Variants in GAREM1 observed in about 807,000 individuals in gnomAD.
GAREM1 encodes GRB2 associated regulator of MAPK1 subtype 1, also known as GRB2-associated and regulator of MAPK protein 1.
In GAREM1, 26 loss-of-function variants were observed where a neutral mutation model predicts 71.3. The observed-to-expected ratio is 0.36, with a 90% CI of 0.27 to 0.51. The LOEUF (loss-of-function observed/expected upper bound fraction) is 0.51, where lower values mean the gene tolerates loss of function less well. Among genes scored for constraint, GAREM1 ranks in the 20% least tolerant of loss-of-function variants. The probability of loss-of-function intolerance (pLI) is 0.95; values close to 1 mark genes in which losing one functional copy is unlikely to be tolerated. For missense variants in GAREM1, 1,026 were observed against 1,103.1 expected (o/e 0.93, Z 0.99); for synonymous variants, 440 against 433.2 (o/e 1.02, Z -0.20).
At chr18:32,394,628 T>G (rs768172127) in intron 1 of GAREM1, among the ~76,000 whole-genome samples, 4 of 152,120 alleles carry the variant, frequency 2.6e-5, no homozygotes, top group Admixed American at 6.5e-5. Context: ...GTGGCCTGGC[T>G]TTTTCAGAAA....
chr18:32,346,606 A>G (rs1201733961), intron 2 of GAREM1, among the ~76,000 whole-genome samples: 1 of 152,208 alleles, frequency 6.6e-6, no homozygotes, highest in African/African-American at 2.4e-5. Flanking sequence ...TCAGGGTAGG[A>G]GAACAAATGG....
At chr18:32,415,906 C>G (rs531736762) in intron 1 of GAREM1, among the ~76,000 whole-genome samples, 1 of 152,028 alleles carries the variant, frequency 6.6e-6, no homozygotes, top group African/African-American at 2.4e-5. Flanking sequence ...TAAAGAGCAT[C>G]CAAATTGGAA....
intron 2 of GAREM1, among the ~76,000 whole-genome samples, chr18:32,335,313 G>T (rs1403946612): frequency 6.6e-6 from 1 of 152,174 alleles, no homozygotes; most frequent in Non-Finnish European, 1.5e-5. Flanking sequence ...CTCTTTTCTT[G>T]CAGTTCAAAC....
At chr18:32,280,564 A>T (rs1276014759) in intron 4 of GAREM1, among the ~76,000 whole-genome samples, 1 of 152,220 alleles carries the variant, frequency 6.6e-6, no homozygotes, top group Non-Finnish European at 1.5e-5. Flanking sequence ...CCACTAAAAG[A>T]TTATGCTATT....
At chr18:32,271,806 T>A (rs985853525) in intron 4 of GAREM1, among the ~76,000 whole-genome samples, 3 of 152,146 alleles carry the variant, frequency 2.0e-5, no homozygotes, top group African/African-American at 7.2e-5. Flanking sequence ...TTCCCCTAAT[T>A]TGCCTTCCAT....
chr18:32,278,742 C>T (rs994631871), intron 4 of GAREM1, among the ~76,000 whole-genome samples: 2 of 142,382 alleles, frequency 1.4e-5, no homozygotes, highest in African/African-American at 5.6e-5. Flanking sequence ...TAACCATCAG[C>T]GGATATTTTC....
intron 3 of GAREM1, among the ~76,000 whole-genome samples, chr18:32,304,692 T>C (rs2047234465): frequency 6.6e-6 from 1 of 152,114 alleles, no homozygotes; most frequent in Admixed American, 6.5e-5. Context: ...ATCTATGAGG[T>C]GGGTAGTATC....
chr18:32,359,236 G>A (rs572864576), intron 2 of GAREM1, among the ~76,000 whole-genome samples: 29 of 152,246 alleles, frequency 1.9e-4, no homozygotes, highest in African/African-American at 7.0e-4. Flanking sequence ...CCTCCCACCT[G>A]ATTCCTTCTC....
At chr18:32,458,027 G>A (rs2048913642) in intron 1 of GAREM1, among the ~76,000 whole-genome samples, 3 of 152,148 alleles carry the variant, frequency 2.0e-5, no homozygotes, top group African/African-American at 7.2e-5. Context: ...AGTGATCTGT[G>A]AATTTCTATT....
chr18:32,399,922 A>G (rs1441716630), intron 1 of GAREM1, among the ~76,000 whole-genome samples: 1 of 152,224 alleles, frequency 6.6e-6, no homozygotes, highest in Non-Finnish European at 1.5e-5. Flanking sequence ...ACTTCAAACT[A>G]TACTACAAGG....
chr18:32,270,161 C>T (rs1268527876), intron 5 of GAREM1, 56 bp downstream of exon 5: 1 of 1,571,514 alleles, frequency 6.4e-7, no homozygotes, highest in Non-Finnish European at 8.7e-7. Context: ...TTCAAGAACC[C>T]ATGAACTGGT....
At chr18:32,292,768 T>A (rs933177686) in intron 3 of GAREM1, among the ~76,000 whole-genome samples, 1 of 152,218 alleles carries the variant, frequency 6.6e-6, no homozygotes, top group Admixed American at 6.5e-5. Context: ...TCTGTTTGCT[T>A]TATAAATTAC....
chr18:32,390,940 C>T (rs2048189800), intron 2 of GAREM1, among the ~76,000 whole-genome samples: 1 of 152,150 alleles, frequency 6.6e-6, no homozygotes, highest in African/African-American at 2.4e-5. Context: ...AGTTTGAGAT[C>T]CCTAAGTCAA....
At chr18:32,344,863 C>T (rs940687787) in intron 2 of GAREM1, among the ~76,000 whole-genome samples, 2 of 152,116 alleles carry the variant, frequency 1.3e-5, no homozygotes, top group African/African-American at 4.8e-5. Context: ...AGTTTGAGAC[C>T]AGCCTGGCCA....
chr18:32,363,999 T>TATAC (rs1555638708), intron 2 of GAREM1, among the ~76,000 whole-genome samples: 2 of 32,990 alleles, frequency 6.1e-5, no homozygotes, highest in African/African-American at 3.7e-4. Flanking sequence ...TATATACATA[T>TATAC]ATATATATAT....
chr18:32,423,652 G>A (rs2048543305), intron 1 of GAREM1, among the ~76,000 whole-genome samples: 5 of 152,198 alleles, frequency 3.3e-5, no homozygotes, highest in Admixed American at 3.3e-4. Context: ...AGCTGCTTAT[G>A]TATTCCAACA....
Position 32,287,038 on chromosome 18 carries a change from G to A in GAREM1, c.1559C>T (p.Ser520Phe), listed in dbSNP as rs1374372638. The A allele has an allele frequency of 1.2e-6, 2 of 1,611,416 alleles. No homozygotes were observed. The highest frequency in any genetic ancestry group is 1.7e-6 in the Non-Finnish European group (2 of 1,177,770). ...AAAACAGAAATGACTTACGGCTTCA[G>A]ATTTGGGAGGCACTGGAGGTGGAGG... is the stretch of plus-strand genomic sequence containing the variant. The part of the protein sequence containing the change: ...ALPPPPVPPK[S>F]EAVREECRLL... The change falls in exon 4 of 6, where the codon TCT (serine) becomes TTT (phenylalanine). Residue 520 changes from serine (S) to phenylalanine (F), a missense_variant. Coordinates refer to ENST00000269209, the MANE Select transcript of GAREM1 (RefSeq NM_001242409.2). The surrounding 1 kb of genome is among the most constrained non-coding windows in gnomAD (Gnocchi z 5.9).
intron 1 of GAREM1, among the ~76,000 whole-genome samples, chr18:32,435,798 T>TG (rs1306928558): frequency 6.6e-6 from 1 of 152,122 alleles, no homozygotes; most frequent in Non-Finnish European, 1.5e-5. Context: ...GAAAGGCAGG[T>TG]GAGAAGTATT....
chr18:32,284,915 A>T (rs2046996802), intron 4 of GAREM1, among the ~76,000 whole-genome samples: 2 of 151,682 alleles, frequency 1.3e-5, no homozygotes, highest in Admixed American at 1.3e-4. Context: ...ACGCCCAGCT[A>T]ATTTGTTGTA....
Sources: allele counts gnomAD v4.1 joint callset (sites outside exome capture counted in the v4.1 genomes callset), GRCh38; gene constraint gnomAD v4.1.1; non-coding constraint Gnocchi (gnomAD v3.1); transcripts MANE v1.5; gene names NCBI Gene and HGNC (gene_info 2026-07-23, HGNC 2026-07-21).